The following MPP7 variants were observed in gnomAD, a reference collection of about 807,000 sequenced individuals.
MPP7 encodes MAGUK p55 scaffold protein 7.
MPP7 carries 60 observed loss-of-function variants against 76.5 expected under a neutral mutation model. The ratio of observed to expected loss-of-function variants is 0.78; its 90% CI spans 0.64 to 0.97. The LOEUF is 0.97. Among genes scored for constraint, MPP7 ranks in the 50% least tolerant of loss-of-function variants. The pLI is 0.00. For synonymous variants in MPP7, 237 were observed against 244.5 expected (o/e 0.97, Z 0.29); for missense variants, 641 against 694.0 (o/e 0.92, Z 0.86).
intron 3 of MPP7, among the ~76,000 whole-genome samples, chr10:28,174,016 C>T (rs149091375): frequency 6.6e-6 from 1 of 152,220 alleles, no homozygotes; most frequent in African/African-American, 2.4e-5. Context: ...CCATACGAAA[C>T]ATATGAAGAA....
At chr10:28,182,105 T>C (rs1427707670) in intron 3 of MPP7, among the ~76,000 whole-genome samples, 1 of 151,910 alleles carries the variant, frequency 6.6e-6, no homozygotes, top group South Asian at 2.1e-4. Context: ...TAATTTACAA[T>C]ACATATAAAC....
At chr10:28,079,474 A>T (rs2133400364) in intron 12 of MPP7, among the ~76,000 whole-genome samples, 1 of 152,226 alleles carries the variant, frequency 6.6e-6, no homozygotes, top group East Asian at 1.9e-4. Context: ...GCAACATAGC[A>T]AGATCCTCTC....
chr10:28,271,240 T>C (rs978852799), intron 1 of MPP7, among the ~76,000 whole-genome samples: 1 of 152,190 alleles, frequency 6.6e-6, no homozygotes, highest in Non-Finnish European at 1.5e-5. Flanking sequence ...TCATTTAAAG[T>C]CAGACAACAG....
At chr10:28,297,427 T>C (rs1250803722) in intron 1 of MPP7, among the ~76,000 whole-genome samples, 1 of 152,108 alleles carries the variant, frequency 6.6e-6, no homozygotes, top group Non-Finnish European at 1.5e-5. Flanking sequence ...GGCCGGGCGC[T>C]GTGGCTCACG....
At chr10:28,217,317 C>T (rs1297604732) in intron 2 of MPP7, among the ~76,000 whole-genome samples, 1 of 151,824 alleles carries the variant, frequency 6.6e-6, no homozygotes, top group African/African-American at 2.4e-5. Flanking sequence ...TTGCTTGAGC[C>T]CAGGATCTTC....
intron 3 of MPP7, among the ~76,000 whole-genome samples, chr10:28,159,167 G>A (rs984922161): frequency 2.6e-5 from 4 of 152,170 alleles, no homozygotes; most frequent in African/African-American, 9.7e-5. Flanking sequence ...TAGCTTTGAT[G>A]TAACATATTT....
At chr10:28,057,807 C>T (rs1375995371) in intron 15 of MPP7, 2 of 1,285,926 alleles carry the variant, frequency 1.6e-6, no homozygotes, top group Non-Finnish European at 2.0e-6. Flanking sequence ...GGAGGTTTTG[C>T]ACCCCAGGGT....
intron 2 of MPP7, among the ~76,000 whole-genome samples, chr10:28,311,859 C>T (rs1403205937): frequency 1.3e-5 from 2 of 151,994 alleles, no homozygotes; most frequent in Non-Finnish European, 2.9e-5. Flanking sequence ...TTAAGTTGAA[C>T]CAGTTTGGAT....
At chr10:28,203,064 G>A (rs1310132090) in intron 2 of MPP7, 2 of 152,168 alleles carry the variant, frequency 1.3e-5, no homozygotes, top group African/African-American at 2.4e-5. Flanking sequence ...GTGCCTGCCC[G>A]AGACTCTTTA....
chr10:28,238,313 C>T (rs1344515023), intron 2 of MPP7, among the ~76,000 whole-genome samples: 2 of 152,108 alleles, frequency 1.3e-5, no homozygotes, highest in African/African-American at 2.4e-5. Flanking sequence ...ATTAAATGCA[C>T]AGAATTATTC....
At chr10:28,211,448 T>C (rs968754236) in intron 2 of MPP7, among the ~76,000 whole-genome samples, 1 of 47,178 alleles carries the variant, frequency 2.1e-5, no homozygotes, top group Non-Finnish European at 3.5e-5. Context: ...TTTTGCCATA[T>C]ATATATATAT....
intron 15 of MPP7, among the ~76,000 whole-genome samples, chr10:28,057,241 T>C (rs1851590098): frequency 6.6e-6 from 1 of 152,216 alleles, no homozygotes; most frequent in South Asian, 2.1e-4. Flanking sequence ...CCATTCACTG[T>C]TGGTGCCTGA....
At chr10:28,293,568 G>T (rs1430425513) in intron 1 of MPP7, among the ~76,000 whole-genome samples, 1 of 152,174 alleles carries the variant, frequency 6.6e-6, no homozygotes, top group Non-Finnish European at 1.5e-5. Flanking sequence ...GTGATGAAGG[G>T]GAAAGATACA....
intron 1 of MPP7, among the ~76,000 whole-genome samples, chr10:28,297,606 G>C (rs539316131): frequency 1.1e-4 from 17 of 152,296 alleles, no homozygotes; most frequent in African/African-American, 3.6e-4. Flanking sequence ...GGCTGAGACA[G>C]GAGAATCTCT....
intron 2 of MPP7, among the ~76,000 whole-genome samples, chr10:28,326,037 A>T (rs1279824729): frequency 6.6e-6 from 1 of 151,850 alleles, no homozygotes; most frequent in Non-Finnish European, 1.5e-5. Flanking sequence ...AATTAAGTTA[A>T]CTTTATAGGA....
At chr10:28,184,678 A>T (rs1186822178) in intron 3 of MPP7, among the ~76,000 whole-genome samples, 2 of 149,114 alleles carry the variant, frequency 1.3e-5, no homozygotes, top group Non-Finnish European at 3.0e-5. Flanking sequence ...ACTGCACTCC[A>T]GCCTGGGTGA....
At chr10:28,170,586 A>G (rs1229130016) in intron 3 of MPP7, among the ~76,000 whole-genome samples, 1 of 149,976 alleles carries the variant, frequency 6.7e-6, no homozygotes, top group East Asian at 1.9e-4. Flanking sequence ...ACTCCTTATT[A>G]TTACATAATT....
At chr10:28,079,079 T>A (rs970879009) in intron 12 of MPP7, among the ~76,000 whole-genome samples, 1 of 152,190 alleles carries the variant, frequency 6.6e-6, no homozygotes, top group Non-Finnish European at 1.5e-5. Context: ...TGGTTGACAT[T>A]ATTGCCTCAT....
upstream of MPP7, chr10:28,307,690 T>A (rs1002163936): frequency 1.3e-5 from 2 of 152,206 alleles, no homozygotes; most frequent in Non-Finnish European, 2.9e-5. Flanking sequence ...TTAATGTAAA[T>A]GCCATTGATC....
Sources: allele counts gnomAD v4.1 joint callset (sites outside exome capture counted in the v4.1 genomes callset), GRCh38; gene constraint gnomAD v4.1.1; transcripts MANE v1.5; gene names NCBI Gene and HGNC (gene_info 2026-07-23, HGNC 2026-07-21).